Variants in CCDC85A observed in about 807,000 individuals in gnomAD.
The protein encoded by CCDC85A is coiled-coil domain containing 85A.
Under a neutral mutation model 50.2 loss-of-function variants are expected in CCDC85A, and 38 were observed. The ratio of observed to expected loss-of-function variants is 0.76; its 90% CI spans 0.58 to 0.99. The LOEUF is 0.99. Ranked by LOEUF, CCDC85A falls within the 50% of genes least tolerant of loss-of-function variation. CCDC85A has a pLI of 0.00. For synonymous variants in CCDC85A, 366 were observed against 301.4 expected, an observed-to-expected ratio of 1.21 and a Z score of -2.22; for missense variants, 820 against 742.0, an observed-to-expected ratio of 1.11 and a Z score of -1.22.
chr2:56,230,822 C>G (rs976434111), intron 2 of CCDC85A, among the ~76,000 whole-genome samples: 1 of 152,164 alleles, frequency 6.6e-6, no homozygotes, highest in African/African-American at 2.4e-5. Context: ...TTGACCTTGG[C>G]TCTGGCACCG....
At chr2:56,325,380 G>C (rs1040922705) in intron 2 of CCDC85A, among the ~76,000 whole-genome samples, 5 of 152,022 alleles carry the variant, frequency 3.3e-5, no homozygotes, top group South Asian at 2.1e-4. Flanking sequence ...TATTCTCAGA[G>C]CCCATAAGAT....
At chr2:56,187,194 T>A (rs1676085455) in intron 1 of CCDC85A, among the ~76,000 whole-genome samples, 1 of 152,244 alleles carries the variant, frequency 6.6e-6, no homozygotes. Flanking sequence ...AAGAAGTATT[T>A]TTTTTTGTTA....
chr2:56,341,171 C>T (rs6732854), intron 2 of CCDC85A, among the ~76,000 whole-genome samples: 2 of 152,082 alleles, frequency 1.3e-5, no homozygotes, highest in African/African-American at 2.4e-5. Flanking sequence ...TTCCCTTAGC[C>T]GTCTCGCATT....
At position 56,278,888 on chromosome 2, in the gene CCDC85A, A is replaced by G. The variant is rs557652664; in HGVS notation, c.1241-63991A>G. On this transcript the variant is annotated intron_variant, in intron 2 of 5. Coordinates refer to ENST00000407595, the MANE Select transcript of CCDC85A (RefSeq NM_001080433.2). ...GCGCCAGACACTGGTCTGCTTTCTT[A>G]TTTTTCTCATTTCTTCCAGGTTACT... Among the ~76,000 whole-genome samples the G allele has an allele frequency of 1.5e-4, 23 of 152,030 alleles. 1 individual carries two copies. In the South Asian group the frequency reaches 3.3e-3, roughly 22 times the overall value.
chr2:56,357,589 A>C (rs1426595103), intron 3 of CCDC85A, among the ~76,000 whole-genome samples: 2 of 149,480 alleles, frequency 1.3e-5, no homozygotes, highest in East Asian at 3.9e-4. Flanking sequence ...GTGTGTGTTC[A>C]GTATCTTAAG....
chr2:56,327,502 C>G (rs1357516005), intron 2 of CCDC85A, among the ~76,000 whole-genome samples: 1 of 152,098 alleles, frequency 6.6e-6, no homozygotes, highest in Non-Finnish European at 1.5e-5. Context: ...TATTTAGAAT[C>G]ACTCCTAAAG....
intron 2 of CCDC85A, among the ~76,000 whole-genome samples, chr2:56,268,594 C>CAAAAAAAAAA (rs59245276): frequency 2.9e-5 from 3 of 102,778 alleles, no homozygotes; most frequent in African/African-American, 4.4e-5. Context: ...GATTCCGTCT[C>CAAAAAAAAAA]AAAAAAAAAA....
At chr2:56,186,036 G>C (rs542716262) in intron 1 of CCDC85A, among the ~76,000 whole-genome samples, 1 of 152,288 alleles carries the variant, frequency 6.6e-6, no homozygotes, top group South Asian at 2.1e-4. Flanking sequence ...CTGGGATTCT[G>C]GGGCAAGAAA....
chr2:56,276,047 A>G (rs903890026), intron 2 of CCDC85A, among the ~76,000 whole-genome samples: 1 of 152,194 alleles, frequency 6.6e-6, no homozygotes, highest in Non-Finnish European at 1.5e-5. Context: ...AGGATTTCAC[A>G]GTTAATCAAT....
chr2:56,378,586 G>T (rs953454616), intron 5 of CCDC85A, among the ~76,000 whole-genome samples: 22 of 152,188 alleles, frequency 1.4e-4, no homozygotes, highest in Admixed American at 3.3e-4. Context: ...GTAATCTGAG[G>T]TGAGTATCAG....
chr2:56,305,102 C>CA (rs545097233), intron 2 of CCDC85A, among the ~76,000 whole-genome samples: 11,941 of 113,196 alleles, frequency 0.11, 1,457 homozygotes, highest in African/African-American at 0.3. Flanking sequence ...GACTCTGCCT[C>CA]AAAAAAAAAA....
chr2:56,207,109 C>T (rs1012339706), intron 2 of CCDC85A, among the ~76,000 whole-genome samples: 1 of 152,144 alleles, frequency 6.6e-6, no homozygotes, highest in Non-Finnish European at 1.5e-5. Flanking sequence ...TTTGGCTTGT[C>T]TAGTGCAGTA....
intron 2 of CCDC85A, among the ~76,000 whole-genome samples, chr2:56,305,075 C>A (rs1672380881): frequency 6.6e-6 from 1 of 150,804 alleles, no homozygotes; most frequent in East Asian, 1.9e-4. Flanking sequence ...TGCACTCCAG[C>A]CTGGGCGACA....
intron 2 of CCDC85A, among the ~76,000 whole-genome samples, chr2:56,200,945 T>TA (rs1306275229): frequency 6.6e-6 from 1 of 151,886 alleles, no homozygotes; most frequent in Non-Finnish European, 1.5e-5. Context: ...TTTTTTTTTT[T>TA]ATTTAAAAAT....
At chr2:56,337,894 C>G (rs1392856130) in intron 2 of CCDC85A, among the ~76,000 whole-genome samples, 1 of 151,900 alleles carries the variant, frequency 6.6e-6, no homozygotes, top group Non-Finnish European at 1.5e-5. Context: ...AAGCGATTCT[C>G]CTGCCTCAGC....
intron 2 of CCDC85A, among the ~76,000 whole-genome samples, chr2:56,252,021 C>T (rs1669781644): frequency 6.6e-6 from 1 of 151,396 alleles, no homozygotes; most frequent in African/African-American, 2.4e-5. Context: ...GCTTCATCCC[C>T]TCATAGTTTC....
chr2:56,264,251 A>T (rs1193791294), intron 2 of CCDC85A, among the ~76,000 whole-genome samples: 1 of 152,102 alleles, frequency 6.6e-6, no homozygotes, highest in Non-Finnish European at 1.5e-5. Flanking sequence ...CTTATATCTA[A>T]CTGCCTATTT....
chr2:56,279,365 A>G (rs761340905), intron 2 of CCDC85A, among the ~76,000 whole-genome samples: 6 of 152,202 alleles, frequency 3.9e-5, no homozygotes, highest in Non-Finnish European at 7.3e-5. Context: ...ATTTTAAAAC[A>G]TATTCATAAC....
At chr2:56,297,921 A>G (rs1355972620) in intron 2 of CCDC85A, among the ~76,000 whole-genome samples, 2 of 152,100 alleles carry the variant, frequency 1.3e-5, no homozygotes, top group South Asian at 2.1e-4. Context: ...GTATCTTCCA[A>G]CCAGTTCCAT....
Sources: gnomAD v4.1 joint callset for allele counts (sites outside exome capture counted in the v4.1 genomes callset) on GRCh38, gnomAD v4.1.1 for gene constraint, MANE v1.5 for transcripts, NCBI Gene and HGNC (gene_info 2026-07-23, HGNC 2026-07-21) for gene names.